Variants in ARFGEF3 observed in about 807,000 individuals in gnomAD.
The protein encoded by ARFGEF3 is brefeldin A-inhibited guanine nucleotide-exchange protein 3.
ARFGEF3 carries 96 observed loss-of-function variants against 221.7 expected under a neutral mutation model. The ratio of observed to expected loss-of-function variants is 0.43; its 90% confidence interval spans 0.37 to 0.51. The LOEUF (loss-of-function observed/expected upper bound fraction) is 0.51. Ranked by LOEUF, ARFGEF3 falls within the 20% of genes least tolerant of loss-of-function variation. The pLI is 0.00. For missense variants in ARFGEF3, 2,410 were observed against 2,789.9 expected, an observed-to-expected ratio of 0.86 and a Z score of 3.07; for synonymous variants, 1,145 against 1,126.8, an observed-to-expected ratio of 1.02 and a Z score of -0.32.
chr6:138,314,622 C>A (rs80255377), intron 26 of ARFGEF3, among the ~76,000 whole-genome samples: 6,379 of 152,200 alleles, frequency 0.042, 115 homozygotes, highest in South Asian at 0.049. Context: ...TAACAAATTG[C>A]ATGCTTCCAA....
intron 2 of ARFGEF3, among the ~76,000 whole-genome samples, chr6:138,185,925 A>G (rs1777174800): frequency 6.6e-6 from 1 of 152,214 alleles, no homozygotes; most frequent in Non-Finnish European, 1.5e-5. Context: ...TATCGTTTAC[A>G]ACAAGTACAA....
chr6:138,175,157 C>T (rs972830133), intron 2 of ARFGEF3, among the ~76,000 whole-genome samples: 7 of 152,152 alleles, frequency 4.6e-5, no homozygotes, highest in African/African-American at 7.2e-5. Flanking sequence ...TGGTGAGCAA[C>T]AAGGGTAGGA....
At position 138,238,639 on chromosome 6, in the gene ARFGEF3, T is replaced by C; in HGVS notation, c.543+8T>C. The C allele has an allele frequency of 6.2e-7, 1 of 1,612,754 alleles. No individual in the cohort carries two copies. ...CAGAGGCAGGAGAATACGGTGAGTC[T>C]GTGACACCCCCATGTTCATCACCTT... On this transcript the variant is annotated splice_region_variant and intron_variant, in intron 6 of 33. Transcript: ENST00000251691.
chr6:138,319,602 GC>G, intron 27 of ARFGEF3, 100 bp from the exon 28 acceptor site: 1 of 792,302 alleles, frequency 1.3e-6, no homozygotes, highest in Non-Finnish European at 2.0e-6. Flanking sequence ...CACTTTCTCA[GC>G]AAATGTAGGG....
At chr6:138,253,186 A>AT (rs771515234) in intron 8 of ARFGEF3, among the ~76,000 whole-genome samples, 18 of 152,198 alleles carry the variant, frequency 1.2e-4, no homozygotes, top group Non-Finnish European at 2.2e-4. Flanking sequence ...TAATATATCA[A>AT]TTTTTTATTA....
At chr6:138,294,199 C>T (rs1284305668) in intron 20 of ARFGEF3, 73 bp downstream of exon 20, 9 of 1,490,110 alleles carry the variant, frequency 6.0e-6, no homozygotes, top group Non-Finnish European at 6.4e-6. Flanking sequence ...TCACCAGCAG[C>T]GTGCCTGAAG....
chr6:138,213,716 A>G lies in ARFGEF3; in HGVS notation c.351+3675A>G, dbSNP rs188950002. On this transcript the variant is annotated intron_variant, in intron 4 of 33. Transcript: ENST00000251691. ...GGAGGGGTGATGGGGAGATGATAGG[A>G]AACATACCATTATTTTTAACTATTT... is the stretch of plus-strand genomic sequence containing the variant. Among the ~76,000 whole-genome samples, 198 of 152,146 alleles carry G rather than the reference A, an allele frequency of 1.3e-3. 1 individual carries two copies. In the South Asian group the frequency reaches 0.023, roughly 18 times the overall value.
At chr6:138,212,848 G>A (rs575828093) in intron 4 of ARFGEF3, among the ~76,000 whole-genome samples, 10 of 152,214 alleles carry the variant, frequency 6.6e-5, no homozygotes, top group East Asian at 5.8e-4. Flanking sequence ...GACACAAGGC[G>A]GGGAACATCA....
chr6:138,212,401 C>T (rs530029182), intron 4 of ARFGEF3, among the ~76,000 whole-genome samples: 11 of 152,288 alleles, frequency 7.2e-5, no homozygotes, highest in Non-Finnish European at 1.5e-4. Flanking sequence ...GAAATAGGAA[C>T]GCTTTTACAC....
In ARFGEF3 at chr6:138,278,381, G is replaced by A. The variant is rs537769104; in HGVS notation, c.2129-70G>A. On this transcript the variant is annotated intron_variant, in intron 12 of 33. Transcript: ENST00000251691. Reference sequence around the variant, plus strand: ...CAGTATCTCTCACGATGGGTTCGCAGCTCTCTGGAAGCCAGCCTTGCCAAG... The same window carrying A: ...CAGTATCTCTCACGATGGGTTCGCAACTCTCTGGAAGCCAGCCTTGCCAAG... The A allele has an allele frequency of 2.1e-6, 3 of 1,440,600 alleles. No individual in the cohort carries two copies. In the East Asian group the frequency reaches 6.8e-5, roughly 33 times the overall value. The allele number at this position is 1,440,600 out of a possible 1,614,324, so 89.2% of individuals were successfully genotyped here.
At chr6:138,167,761 G>A (rs867246136) in intron 1 of ARFGEF3, among the ~76,000 whole-genome samples, 12 of 152,242 alleles carry the variant, frequency 7.9e-5, no homozygotes, top group Middle Eastern at 6.8e-3. Context: ...TTCCTTGTCT[G>A]CTCTAGTTCT....
chr6:138,281,392 G>A (rs898007228), intron 14 of ARFGEF3, among the ~76,000 whole-genome samples: 5 of 152,176 alleles, frequency 3.3e-5, no homozygotes, highest in African/African-American at 1.2e-4. Context: ...ATGATGCTGA[G>A]GTTTGGGGTC....
intron 29 of ARFGEF3, among the ~76,000 whole-genome samples, chr6:138,321,513 G>A (rs1053723872): frequency 1.3e-5 from 2 of 152,112 alleles, no homozygotes; most frequent in Admixed American, 6.6e-5. Flanking sequence ...TAAGAGAAAC[G>A]CAAATTGAAT....
chr6:138,186,335 C>T (rs1442470776), intron 2 of ARFGEF3, among the ~76,000 whole-genome samples: 1 of 152,202 alleles, frequency 6.6e-6, no homozygotes, highest in Non-Finnish European at 1.5e-5. Context: ...ATGTAACAGG[C>T]TGTCTGGAGG....
At chr6:138,211,575 C>G (rs1159164777) in intron 4 of ARFGEF3, among the ~76,000 whole-genome samples, 1 of 152,146 alleles carries the variant, frequency 6.6e-6, no homozygotes, top group African/African-American at 2.4e-5. Flanking sequence ...AATCTTTCTT[C>G]TTCTATTAGG....
At chr6:138,293,849 T>C in intron 19 of ARFGEF3, 144 bp from the exon 20 acceptor site, 3 of 730,392 alleles carry the variant, frequency 4.1e-6, no homozygotes, top group Non-Finnish European at 6.7e-6. Flanking sequence ...ACAGTTAGAA[T>C]AGATAGAATA....
chr6:138,232,192 T>C (rs1778205058), intron 5 of ARFGEF3, among the ~76,000 whole-genome samples: 1 of 152,092 alleles, frequency 6.6e-6, no homozygotes, highest in Admixed American at 6.6e-5. Context: ...GGAGCAGAAA[T>C]TGCCAAGGTC....
chr6:138,198,130 AT>A (rs1263706177), intron 2 of ARFGEF3, among the ~76,000 whole-genome samples: 1 of 152,216 alleles, frequency 6.6e-6, no homozygotes, highest in East Asian at 1.9e-4. Context: ...AGGCATAACC[AT>A]TTTATATTAT....
At chr6:138,222,675 G>C (rs917708109) in intron 4 of ARFGEF3, among the ~76,000 whole-genome samples, 2 of 152,106 alleles carry the variant, frequency 1.3e-5, no homozygotes, top group African/African-American at 4.8e-5. Flanking sequence ...GAAAAACCTT[G>C]ATCAAAGTAA....
Sources: allele counts gnomAD v4.1 joint callset (sites outside exome capture counted in the v4.1 genomes callset), GRCh38; gene constraint gnomAD v4.1.1; transcripts MANE v1.5; gene names NCBI Gene and HGNC (gene_info 2026-07-23, HGNC 2026-07-21).